FIG4: variants seen among roughly 807,000 people sequenced by gnomAD.
FIG4 encodes FIG4 phosphoinositide 5-phosphatase, also known as polyphosphoinositide phosphatase.
FIG4 carries 112 observed loss-of-function variants against 118.6 expected under a neutral mutation model. The observed-to-expected ratio is 0.94, with a 90% CI of 0.81 to 1.11. The LOEUF is 1.11. Ranked by LOEUF, FIG4 falls within the 50% of genes least tolerant of loss-of-function variation. FIG4 has a pLI of 0.00. For synonymous variants in FIG4, 369 were observed against 381.2 expected (o/e 0.97, Z 0.37); for missense variants, 969 against 1,111.7 (o/e 0.87, Z 1.83).
chr6:109,739,025 C>T (rs966198900), intron 7 of FIG4, among the ~76,000 whole-genome samples: 3 of 152,084 alleles, frequency 2.0e-5, no homozygotes, highest in Non-Finnish European at 2.9e-5. Flanking sequence ...GGGTTTGGTG[C>T]TAGAACTTTT....
chr6:109,765,067 C>T lies in FIG4; in HGVS notation c.1489C>T (p.Gln497Ter). The T allele has an allele frequency of 1.2e-6, 2 of 1,613,690 alleles. No individual in the cohort carries two copies. The highest frequency in any genetic ancestry group is 8.5e-7 in the Non-Finnish European group (1 of 1,179,618). ...CTGTTTAGATCGCACCAACACAGCA[C>T]AGTTTATGGTGGGAAAATGTGCTCT... ...VDCLDRTNTA[Q>*]FMVGKCALAY... The change falls in exon 14 of 23, where the codon CAG becomes TAG. Residue 497 changes from glutamine to a stop codon, truncating the protein, a stop_gained. Transcript: ENST00000230124. LOFTEE classifies it high-confidence loss of function.
chr6:109,738,126 T>G (rs1776213487), intron 6 of FIG4, among the ~76,000 whole-genome samples, 199 bp from the exon 7 acceptor site: 1 of 152,180 alleles, frequency 6.6e-6, no homozygotes, highest in African/African-American at 2.4e-5. Flanking sequence ...CACAATGTTC[T>G]GGACATGAAA....
intron 2 of FIG4, among the ~76,000 whole-genome samples, chr6:109,715,413 A>G (rs531668165): frequency 2.6e-5 from 4 of 152,182 alleles, no homozygotes; most frequent in African/African-American, 9.6e-5. Context: ...TCGAAAACAC[A>G]CTCTTAGGAT....
chr6:109,801,592 C>T (rs946862951), intron 22 of FIG4, among the ~76,000 whole-genome samples: 13 of 152,120 alleles, frequency 8.5e-5, no homozygotes, highest in Non-Finnish European at 1.5e-4. Flanking sequence ...TAGGACCATA[C>T]GCTTGCATTT....
intron 1 of FIG4, among the ~76,000 whole-genome samples, chr6:109,692,891 AG>A (rs1774562771): frequency 6.6e-6 from 1 of 152,118 alleles, no homozygotes; most frequent in African/African-American, 2.4e-5. Flanking sequence ...AATAAAAGAC[AG>A]GGATTCTCCA....
chr6:109,743,644 C>G (rs751487373), intron 9 of FIG4, 31 bp from the exon 10 acceptor site: 4 of 1,533,158 alleles, frequency 2.6e-6, no homozygotes, highest in Non-Finnish European at 2.7e-6. Context: ...AATTTTCATT[C>G]AGGTGCTTTT....
At chr6:109,701,146 A>T (rs1023223459) in intron 1 of FIG4, among the ~76,000 whole-genome samples, 5 of 152,168 alleles carry the variant, frequency 3.3e-5, no homozygotes, top group Non-Finnish European at 7.3e-5. Context: ...ATATTTGGAG[A>T]GGAAAGGGAG....
At position 109,718,873 on chromosome 6, in the gene FIG4, A is replaced by T. The variant is rs533704859; in HGVS notation, c.289+2305A>T. The stretch of plus-strand genomic sequence containing the variant: ...TAAAATATAGTAGACTCTAATTTAA[A>T]TAATAGTTACTTAATAGTTTAAGCT... On this transcript the variant is annotated intron_variant, in intron 3 of 22. Coordinates refer to ENST00000230124, the MANE Select transcript of FIG4 (RefSeq NM_014845.6). 3.9e-5 allele frequency among the ~76,000 whole-genome samples: 6 copies of T among 152,292 alleles called. No individual in the cohort carries two copies. The East Asian group carries it at 9.6e-4, about 24-fold the overall frequency.
intron 1 of FIG4, among the ~76,000 whole-genome samples, chr6:109,713,531 G>T (rs931344484): frequency 2.6e-5 from 4 of 152,150 alleles, no homozygotes; most frequent in Admixed American, 2.6e-4. Context: ...GGGCAGGCTG[G>T]CTCTGTGCCC....
At chr6:109,756,629 T>C (rs1023558587) in intron 10 of FIG4, among the ~76,000 whole-genome samples, 5 of 152,218 alleles carry the variant, frequency 3.3e-5, no homozygotes, top group African/African-American at 7.2e-5. Flanking sequence ...GAGTCTTTGT[T>C]CGTTTCTTTT....
At chr6:109,749,083 G>A (rs976504107) in intron 10 of FIG4, among the ~76,000 whole-genome samples, 3 of 148,706 alleles carry the variant, frequency 2.0e-5, no homozygotes, top group Non-Finnish European at 4.4e-5. Context: ...GTGTGTGTGT[G>A]TGTGTGTGTG....
At chr6:109,721,572 A>G (rs1193574119) in intron 3 of FIG4, among the ~76,000 whole-genome samples, 1 of 152,156 alleles carries the variant, frequency 6.6e-6, no homozygotes, top group Non-Finnish European at 1.5e-5. Context: ...TCACTTTTGC[A>G]TGACGACCAT....
chr6:109,784,961 A>G lies in FIG4; in HGVS notation c.1890-9A>G. On this transcript the variant is annotated splice_polypyrimidine_tract_variant and intron_variant, in intron 16 of 22. Coordinates refer to ENST00000230124, the MANE Select transcript of FIG4 (RefSeq NM_014845.6). The stretch of plus-strand genomic sequence containing the variant: ...TGGTTCATCTTTTTTTTTAATTTTT[A>G]TTTTATAGTTATACTTACTGGTGGA... 1 of 1,453,128 alleles carries G rather than the reference A, an allele frequency of 6.9e-7. No individual in the cohort carries two copies. The highest frequency in any genetic ancestry group is 1.2e-5 in the South Asian group (1 of 80,830). 90.0% of individuals were successfully genotyped at this position (1,453,128 alleles called of 1,614,324 possible).
chr6:109,783,144 A>G (rs1351771589), intron 16 of FIG4, among the ~76,000 whole-genome samples: 1 of 152,242 alleles, frequency 6.6e-6, no homozygotes, highest in African/African-American at 2.4e-5. Context: ...GAGCATCAGT[A>G]TGAATAGCTA....
chr6:109,709,696 T>C (rs1775198132), intron 1 of FIG4, among the ~76,000 whole-genome samples: 1 of 152,224 alleles, frequency 6.6e-6, no homozygotes, highest in South Asian at 2.1e-4. Context: ...GCTGTATTCC[T>C]AGGTGTTTTA....
chr6:109,812,402 C>T (rs1475260734), intron 22 of FIG4, among the ~76,000 whole-genome samples: 4 of 152,140 alleles, frequency 2.6e-5, no homozygotes, highest in African/African-American at 9.7e-5. Context: ...AGCTGTTACT[C>T]TGAACTCATC....
chr6:109,755,983 T>C (rs1776881021), intron 10 of FIG4, among the ~76,000 whole-genome samples: 1 of 152,194 alleles, frequency 6.6e-6, no homozygotes, highest in South Asian at 2.1e-4. Flanking sequence ...GTCATTATGA[T>C]GTTAGTTGGT....
chr6:109,796,718 G>A (rs1710130999), intron 21 of FIG4, 47 bp from the exon 22 acceptor site: 1 of 1,074,892 alleles, frequency 9.3e-7, no homozygotes, highest in South Asian at 1.2e-5. Flanking sequence ...TGAATTAATT[G>A]CAAGTACTCC....
At chr6:109,696,684 G>A (rs922491726) in intron 1 of FIG4, among the ~76,000 whole-genome samples, 2 of 152,158 alleles carry the variant, frequency 1.3e-5, no homozygotes, top group Non-Finnish European at 2.9e-5. Context: ...GCTAAAAAAC[G>A]ATGTTGAGCT....
Sources: allele counts gnomAD v4.1 joint callset (sites outside exome capture counted in the v4.1 genomes callset), GRCh38; gene constraint gnomAD v4.1.1; transcripts MANE v1.5; gene names NCBI Gene and HGNC (gene_info 2026-07-23, HGNC 2026-07-21).